The following LIMS1 variants were observed in gnomAD, a reference collection of about 807,000 sequenced individuals.
LIMS1 encodes LIM zinc finger domain containing 1.
LIMS1 carries 18 observed loss-of-function variants against 44.1 expected under a neutral mutation model. That is an observed-to-expected ratio of 0.41 (90% CI 0.28 to 0.61). LIMS1 has a LOEUF of 0.61. LIMS1 is among the 20% of genes least tolerant of loss of function. The probability of loss-of-function intolerance (pLI) is 0.32; values close to 1 mark genes in which losing one functional copy is unlikely to be tolerated. For missense variants in LIMS1, 201 were observed against 422.0 expected (o/e 0.48, Z 4.59); for synonymous variants, 93 against 149.1 (o/e 0.62, Z 2.74).
Position 108,534,528 on chromosome 2 carries a change from G to T in LIMS1, c.-35G>T. On this transcript the variant is annotated 5_prime_UTR_variant, in exon 1 of 10. The change creates a new upstream start codon in the 5' untranslated region. Transcript: ENST00000544547. ...CGGCTGGAGCGGCGCCGGGAGACGA[G>T]GGGCTGAGAGACGGCGGCGGCCGAA... is the stretch of plus-strand genomic sequence containing the variant. 1 of 1,205,106 alleles carries T rather than the reference G, an allele frequency of 8.3e-7. No individual in the cohort carries two copies. The highest frequency in any genetic ancestry group is 1.0e-6 in the Non-Finnish European group (1 of 961,152). The allele number at this position is 1,205,106 out of a possible 1,614,324, so 74.7% of individuals were successfully genotyped here.
intron 1 of LIMS1, among the ~76,000 whole-genome samples, chr2:108,535,130 A>G (rs1221296872): frequency 6.6e-6 from 1 of 152,242 alleles, no homozygotes; most frequent in Non-Finnish European, 1.5e-5. Flanking sequence ...CGTCCTTTAC[A>G]GTTTGCGAAT....
intron 1 of LIMS1, among the ~76,000 whole-genome samples, chr2:108,567,520 A>G (rs1217627035): frequency 6.6e-6 from 1 of 152,200 alleles, no homozygotes; most frequent in Admixed American, 6.5e-5. Flanking sequence ...CACGACAGTA[A>G]ACGATGTGGT....
intron 1 of LIMS1, among the ~76,000 whole-genome samples, chr2:108,539,624 G>A (rs1684253336): frequency 6.6e-6 from 1 of 152,184 alleles, no homozygotes; most frequent in South Asian, 2.1e-4. Context: ...TTTAGTGATT[G>A]TTGCTTCTGG....
At chr2:108,587,085 G>A (rs937541310) in intron 1 of LIMS1, among the ~76,000 whole-genome samples, 4 of 152,142 alleles carry the variant, frequency 2.6e-5, no homozygotes, top group African/African-American at 9.7e-5. Flanking sequence ...GGAGTGCTGG[G>A]CAGAACCCTG....
chr2:108,624,361 A>G lies in LIMS1; in HGVS notation c.33-35244A>G, dbSNP rs372678426. Among the ~76,000 whole-genome samples the G allele has an allele frequency of 9.2e-5, 14 of 152,360 alleles. No individual in the cohort carries two copies. The East Asian group carries it at 1.9e-3, about 21-fold the overall frequency. On this transcript the variant is annotated intron_variant, in intron 1 of 9. Coordinates refer to ENST00000544547, the Ensembl canonical transcript of LIMS1. ...AATTCCTGCCCTTTAAAAATTCTCA[A>G]AGTTACTTTTTCTCTGCCTCAGATA... is the stretch of plus-strand genomic sequence containing the variant.
chr2:108,673,158 T>A lies in LIMS1; in HGVS notation c.530+129T>A. ...TTTAGTCTAGAAAATTTTAAACCTA[T>A]AGACGAGTCAAGAGAATGATATAAT... On this transcript the variant is annotated intron_variant, in intron 5 of 9. Coordinates refer to ENST00000544547, the Ensembl canonical transcript of LIMS1. The A allele has an allele frequency of 5.8e-6, 8 of 1,370,882 alleles. No homozygotes were observed. In the South Asian group the frequency reaches 1.1e-4, roughly 18 times the overall value. The allele number at this position is 1,370,882 out of a possible 1,614,324, so 84.9% of individuals were successfully genotyped here.
intron 1 of LIMS1, among the ~76,000 whole-genome samples, chr2:108,601,103 C>A (rs1365267126): frequency 6.6e-6 from 1 of 151,900 alleles, no homozygotes; most frequent in Non-Finnish European, 1.5e-5. Flanking sequence ...CTGTTCTGTG[C>A]GGGAGATGCC....
intron 1 of LIMS1, among the ~76,000 whole-genome samples, chr2:108,650,157 G>T (rs1690366565): frequency 6.6e-6 from 1 of 152,140 alleles, no homozygotes; most frequent in Non-Finnish European, 1.5e-5. Flanking sequence ...CACTGCCGTG[G>T]CAGTAGTAGT....
At chr2:108,607,366 G>A in intron 1 of LIMS1, 2 of 1,029,660 alleles carry the variant, frequency 1.9e-6, no homozygotes, top group Non-Finnish European at 3.0e-6. Context: ...TAGTACATGT[G>A]TGCACATATA....
intron 1 of LIMS1, among the ~76,000 whole-genome samples, chr2:108,540,425 C>G (rs1194081833): frequency 6.6e-6 from 1 of 152,092 alleles, no homozygotes; most frequent in Non-Finnish European, 1.5e-5. Flanking sequence ...GTCTCTACCT[C>G]CTGACCTTGT....
intron 1 of LIMS1, among the ~76,000 whole-genome samples, chr2:108,591,671 G>C (rs2104686740): frequency 6.6e-6 from 1 of 151,966 alleles, no homozygotes; most frequent in East Asian, 1.9e-4. Flanking sequence ...TGTTGCCCAG[G>C]CTTGTCTTGA....
At chr2:108,541,175 C>G (rs962375151) in intron 1 of LIMS1, among the ~76,000 whole-genome samples, 10 of 152,198 alleles carry the variant, frequency 6.6e-5, no homozygotes, top group Admixed American at 2.6e-4. Context: ...AGATCCCTTC[C>G]TATTGACGGG....
intron 1 of LIMS1, among the ~76,000 whole-genome samples, chr2:108,559,569 A>G (rs549258630): frequency 8.9e-4 from 136 of 152,352 alleles, no homozygotes; most frequent in African/African-American, 3.0e-3. Context: ...ATGAAGAAGC[A>G]TGATAAAAAT....
intron 1 of LIMS1, among the ~76,000 whole-genome samples, chr2:108,569,017 G>A (rs753345750): frequency 3.9e-5 from 6 of 151,902 alleles, no homozygotes; most frequent in African/African-American, 1.2e-4. Context: ...TCAGCCTCCC[G>A]GGAAGCTGAG....
chr2:108,537,883 A>G (rs749369852), intron 1 of LIMS1, among the ~76,000 whole-genome samples: 23 of 152,276 alleles, frequency 1.5e-4, no homozygotes, highest in African/African-American at 2.6e-4. Flanking sequence ...AAACTTCCAT[A>G]GCTGCAGCAG....
chr2:108,583,734 G>A (rs1443768779), intron 1 of LIMS1, among the ~76,000 whole-genome samples: 3 of 120,472 alleles, frequency 2.5e-5, no homozygotes, highest in Non-Finnish European at 4.9e-5. Context: ...TCTTACTCTC[G>A]CTCAGGCTGG....
intron 1 of LIMS1, among the ~76,000 whole-genome samples, chr2:108,592,124 C>T (rs1481742747): frequency 6.6e-6 from 1 of 152,026 alleles, no homozygotes; most frequent in Non-Finnish European, 1.5e-5. Flanking sequence ...CGGGGACTTA[C>T]AGTGATTTTA....
intron 5 of LIMS1, 137 bp downstream of exon 5, chr2:108,673,166 T>G: frequency 1.5e-6 from 2 of 1,314,394 alleles, no homozygotes; most frequent in Non-Finnish European, 2.1e-6. Context: ...TATAGACGAG[T>G]CAAGAGAATG....
chr2:108,567,583 G>GT (rs1417895778), intron 1 of LIMS1, among the ~76,000 whole-genome samples: 1 of 151,960 alleles, frequency 6.6e-6, no homozygotes, highest in Non-Finnish European at 1.5e-5. Context: ...CTTGTTTTTT[G>GT]TTTTTTGAGA....
Sources: gnomAD v4.1 joint callset for allele counts (sites outside exome capture counted in the v4.1 genomes callset) on GRCh38, gnomAD v4.1.1 for gene constraint, MANE v1.5 for transcripts, NCBI Gene and HGNC (gene_info 2026-07-23, HGNC 2026-07-21) for gene names.